Variants in RRAD observed in about 807,000 individuals in gnomAD.
The protein encoded by RRAD is GTP-binding protein RAD.
In RRAD, 15 loss-of-function variants were observed where a neutral mutation model predicts 24.7. The ratio of observed to expected loss-of-function variants is 0.61; its 90% confidence interval spans 0.41 to 0.93. The LOEUF is 0.93. Among genes scored for constraint, RRAD ranks in the 40% least tolerant of loss-of-function variants. RRAD has a pLI of 0.00. For missense variants in RRAD, 438 were observed against 452.2 expected (o/e 0.97, Z 0.29); for synonymous variants, 180 against 189.8 (o/e 0.95, Z 0.43).
At chr16:66,922,651 G>A (rs974384812) in intron 4 of RRAD, among the ~76,000 whole-genome samples, 1 of 152,156 alleles carries the variant, frequency 6.6e-6, no homozygotes, top group Admixed American at 6.5e-5. Flanking sequence ...ACAGGAAAAT[G>A]AGAACTATGT....
Position 66,925,057 on chromosome 16 carries a change from C to T in RRAD, c.123G>A (p.Pro41=), listed in dbSNP as rs952320733. The change falls in exon 2 of 5, where the codon CCG becomes CCA. Residue 41 remains proline (P), a synonymous_variant. Coordinates refer to ENST00000299759, the MANE Select transcript of RRAD (RefSeq NM_004165.3). The surrounding 1 kb of genome is among the most constrained non-coding windows in gnomAD (Gnocchi z 5.2). ...PAPPLHRRSM[P]VDERDLQAAL... is the part of the protein sequence containing the mutation. Reference sequence around the variant, plus strand: ...CCGCCTGCAGGTCGCGCTCGTCCACCGGCATGCTGCGGCGGTGCAGCGGCG... The same window carrying T: ...CCGCCTGCAGGTCGCGCTCGTCCACTGGCATGCTGCGGCGGTGCAGCGGCG... The T allele has an allele frequency of 1.5e-6, 2 of 1,300,564 alleles. No homozygotes were observed. Among genetic ancestry groups the T allele is most frequent in the Non-Finnish European group, 1.9e-6 (2 of 1,026,192 alleles). The allele number at this position is 1,300,564 out of a possible 1,614,324, so 80.6% of individuals were successfully genotyped here. A position where few individuals can be genotyped will look rare whatever the true frequency, so the allele number is the denominator to read the frequency against.
Position 66,924,721 on chromosome 16 carries a change from T to C in RRAD, c.370+89A>G. The C allele has an allele frequency of 2.1e-6, 2 of 931,508 alleles. No homozygotes were observed. Among genetic ancestry groups the C allele is most frequent in the Non-Finnish European group, 2.9e-6 (2 of 694,302 alleles). The allele number at this position is 931,508 out of a possible 1,614,324, so 57.7% of individuals were successfully genotyped here. The stretch of plus-strand genomic sequence containing the variant: ...TAATAACAACAACAACAACTATAAT[T>C]CCACGGTATTTGCGGCTTTGAGTAC... On this transcript the variant is annotated intron_variant, in intron 2 of 4. Transcript: ENST00000299759. This position sits in a 1 kb window ranked among gnomAD's most constrained non-coding sequence, Gnocchi z 4.2.
In RRAD at chr16:66,924,009, C is replaced by T; in HGVS notation, c.371-90G>A. On this transcript the variant is annotated intron_variant, in intron 2 of 4. Coordinates refer to ENST00000299759, the MANE Select transcript of RRAD (RefSeq NM_004165.3). This position sits in a 1 kb window ranked among gnomAD's most constrained non-coding sequence, Gnocchi z 4.2. ...GTTCTGGCCACACCCTCCAACTCTT[C>T]CCCAGAGCCCTCCTTACCCTCCACT... The T allele has an allele frequency of 1.0e-6, 1 of 987,550 alleles. No homozygotes were observed. The highest frequency in any genetic ancestry group is 1.6e-6 in the Non-Finnish European group (1 of 610,116). 61.2% of individuals were successfully genotyped at this position (987,550 alleles called of 1,614,324 possible).
Position 66,922,341 on chromosome 16 carries a change from C to CA in RRAD, c.661dup (p.Cys221LeufsTer6). On this transcript the variant is annotated frameshift_variant, in exon 5 of 5. Coordinates refer to ENST00000299759, the MANE Select transcript of RRAD (RefSeq NM_004165.3). LOFTEE classifies it high-confidence loss of function. ...GAACTTGCAGTCAAAGACCACCGCG[C>CA]AGGCCCGGCCCTCTGTGTGGGTGGG... The CA allele has an allele frequency of 6.3e-7, 1 of 1,592,668 alleles. No homozygotes were observed. Among genetic ancestry groups the CA allele is most frequent in the Non-Finnish European group, 8.6e-7 (1 of 1,166,802 alleles).
rs1596992703 is a variant in RRAD at position 66,921,844 on chromosome 16, A to G, written c.*232T>C. The G allele has an allele frequency of 2.1e-6, 1 of 479,046 alleles. No individual in the cohort carries two copies. The highest frequency in any genetic ancestry group is 3.7e-6 in the Non-Finnish European group (1 of 271,258). The allele number at this position is 479,046 out of a possible 1,614,324, so 29.7% of individuals were successfully genotyped here. On this transcript the variant is annotated 3_prime_UTR_variant, in exon 5 of 5. Coordinates refer to ENST00000299759, the MANE Select transcript of RRAD (RefSeq NM_004165.3). The stretch of plus-strand genomic sequence containing the variant: ...GGCGGCTGCGCTGCGGCTGCTTGGG[A>G]CGCATATGAGCCTGCGCATGCATCT...
Position 66,923,385 on chromosome 16 carries a change from C to T in RRAD, c.649+131G>A, listed in dbSNP as rs538290761. On this transcript the variant is annotated intron_variant, in intron 4 of 4. Coordinates refer to ENST00000299759, the MANE Select transcript of RRAD (RefSeq NM_004165.3). This position sits in a 1 kb window ranked among gnomAD's most constrained non-coding sequence, Gnocchi z 4.9. ...AGCAGGCACCAGCTCTCTCCCATTT[C>T]CCTCCCCGCCAGTTTTCTTTCTGAA... The T allele has an allele frequency of 2.7e-4, 211 of 772,996 alleles. No homozygotes were observed. The African/African-American group carries it at 3.3e-3, about 12-fold the overall frequency. The allele number at this position is 772,996 out of a possible 1,614,324, so 47.9% of individuals were successfully genotyped here.
Position 66,923,616 on chromosome 16 carries a change from C to T in RRAD, c.549G>A (p.Leu183=). Residue 183 remains leucine, a synonymous_variant, in exon 4 of 5, where the codon CTG becomes CTA. Coordinates refer to ENST00000299759, the MANE Select transcript of RRAD (RefSeq NM_004165.3). The surrounding 1 kb of genome is among the most constrained non-coding windows in gnomAD (Gnocchi z 4.9). ...GCCGTGCACGCCGCAGCTGGACCCG[C>T]AGTTCTGAGGCCTTCTCGAAGCTGC... The part of the protein sequence containing the change: ...DKGSFEKASE[L]RVQLRRARQT... 2 of 1,614,004 alleles carry T rather than the reference C, an allele frequency of 1.2e-6. No individual in the cohort carries two copies. The highest frequency in any genetic ancestry group is 1.7e-6 in the Non-Finnish European group (2 of 1,180,016).
Position 66,925,331 on chromosome 16 carries a change from G to A in RRAD, c.-16+78C>T. 1 of 792,294 alleles carries A rather than the reference G, an allele frequency of 1.3e-6. No homozygotes were observed. The highest frequency in any genetic ancestry group is 1.7e-6 in the Non-Finnish European group (1 of 595,952). 49.1% of individuals were successfully genotyped at this position (792,294 alleles called of 1,614,324 possible). A position where few individuals can be genotyped will look rare whatever the true frequency, so the allele number is the denominator to read the frequency against. On this transcript the variant is annotated intron_variant, in intron 1 of 4. Coordinates refer to ENST00000299759, the MANE Select transcript of RRAD (RefSeq NM_004165.3). This position sits in a 1 kb window ranked among gnomAD's most constrained non-coding sequence, Gnocchi z 5.2. ...GCCCTCCCCCAGCCCCCAGGTCGCGGCGCCCTCACCCGGGACCCCTCCGGA... is the reference window on the plus strand; with the variant it reads ...GCCCTCCCCCAGCCCCCAGGTCGCGACGCCCTCACCCGGGACCCCTCCGGA...
chr16:66,924,705 C>A lies in RRAD; in HGVS notation c.370+105G>T. 1 of 755,074 alleles carries A rather than the reference C, an allele frequency of 1.3e-6. No homozygotes were observed. The highest frequency in any genetic ancestry group is 1.8e-6 in the Non-Finnish European group (1 of 557,388). The allele number at this position is 755,074 out of a possible 1,614,324, so 46.8% of individuals were successfully genotyped here. ...ATAATAATAATAATAATAATAACAA[C>A]AACAACAACTATAATTCCACGGTAT... On this transcript the variant is annotated intron_variant, in intron 2 of 4. Coordinates refer to ENST00000299759, the MANE Select transcript of RRAD (RefSeq NM_004165.3). The surrounding 1 kb of genome is among the most constrained non-coding windows in gnomAD (Gnocchi z 4.2).
In RRAD at chr16:66,921,806, C is replaced by G. The variant is rs1443114461; in HGVS notation, c.*270G>C. 2.4e-6 allele frequency: 1 copy of G among 416,036 alleles called. No homozygotes were observed. The highest frequency in any genetic ancestry group is 3.7e-5 in the East Asian group (1 of 26,742). 25.8% of individuals were successfully genotyped at this position (416,036 alleles called of 1,614,324 possible). A position where few individuals can be genotyped will look rare whatever the true frequency, so the allele number is the denominator to read the frequency against. ...AAAAAGGCAGAGTCCTCTCCCGGCA[C>G]GCAGGCCTGCCCGGCGGCTGCGCTG... On this transcript the variant is annotated 3_prime_UTR_variant, in exon 5 of 5. Transcript: ENST00000299759.
In RRAD at chr16:66,923,483, T is replaced by C; in HGVS notation, c.649+33A>G. The C allele has an allele frequency of 6.4e-7, 1 of 1,564,486 alleles. No homozygotes were observed. Among genetic ancestry groups the C allele is most frequent in the Non-Finnish European group, 8.7e-7 (1 of 1,151,348 alleles). ...TGCCTGGATCAGGGCCCAGCTGGGC[T>C]CTCCCTCCCCCTGCAACCTGCCGCC... is the stretch of plus-strand genomic sequence containing the variant. On this transcript the variant is annotated intron_variant, in intron 4 of 4. Coordinates refer to ENST00000299759, the MANE Select transcript of RRAD (RefSeq NM_004165.3). This position sits in a 1 kb window ranked among gnomAD's most constrained non-coding sequence, Gnocchi z 4.9.
At position 66,922,187 on chromosome 16, in the gene RRAD, C is replaced by CA; in HGVS notation, c.815_816insT (p.Glu272AspfsTer18). 6.2e-7 allele frequency: 1 copy of CA among 1,614,222 alleles called. No homozygotes were observed. Among genetic ancestry groups the CA allele is most frequent in the Non-Finnish European group, 8.5e-7 (1 of 1,180,026 alleles). On this transcript the variant is annotated frameshift_variant, in exon 5 of 5. Coordinates refer to ENST00000299759, the MANE Select transcript of RRAD (RefSeq NM_004165.3). LOFTEE classifies it high-confidence loss of function. ...AGCGCTTCGCCTTTTTGCCAAGGCT[C>CA]TCTCGCCTCCGGGTGCCTGCTTGCC... is the stretch of plus-strand genomic sequence containing the variant.
rs1962945922 is a variant in RRAD, at chr16:66,923,477, C to T, written c.649+39G>A. 8 of 1,543,874 alleles carry T rather than the reference C, an allele frequency of 5.2e-6. No homozygotes were observed. Among genetic ancestry groups the T allele is most frequent in the Non-Finnish European group, 7.1e-6 (8 of 1,134,576 alleles). On this transcript the variant is annotated intron_variant, in intron 4 of 4. Transcript: ENST00000299759. The surrounding 1 kb of genome is among the most constrained non-coding windows in gnomAD (Gnocchi z 4.9). Reference sequence around the variant, plus strand: ...CAAGACTGCCTGGATCAGGGCCCAGCTGGGCTCTCCCTCCCCCTGCAACCT... The same window carrying T: ...CAAGACTGCCTGGATCAGGGCCCAGTTGGGCTCTCCCTCCCCCTGCAACCT...
rs202026368 is a variant in RRAD, at chr16:66,924,693, TAATAATAAC to T, written c.370+108_370+116del. The T allele has an allele frequency of 0.031, 22,677 of 724,732 alleles. 771 individuals carry two copies. The highest frequency in any genetic ancestry group is 0.15 in the African/African-American group (8,095 of 52,956). The allele number at this position is 724,732 out of a possible 1,614,324, so 44.9% of individuals were successfully genotyped here. A position where few individuals can be genotyped will look rare whatever the true frequency, so the allele number is the denominator to read the frequency against. On this transcript the variant is annotated intron_variant, in intron 2 of 4. Transcript: ENST00000299759. The surrounding 1 kb of genome is among the most constrained non-coding windows in gnomAD (Gnocchi z 4.2). ...AATAATAATAAAATAATAATAATAA[TAATAATAAC>T]AACAACAACAACTATAATTCCACGG...
In RRAD at chr16:66,922,118, A is replaced by G. The variant is rs1420923557; in HGVS notation, c.885T>C (p.Phe295=). ...CGTGGCAGGACTTGGATTTGGCGCG[A>G]AAGGCCATCTTGCGGCTGTTACGAG... ...IVARNSRKMA[F]RAKSKSCHDL... is the part of the protein sequence containing the mutation. The change falls in exon 5 of 5, where the codon TTT becomes TTC. Residue 295 remains phenylalanine (F), a synonymous_variant. Coordinates refer to ENST00000299759, the MANE Select transcript of RRAD (RefSeq NM_004165.3). 3.7e-6 allele frequency: 6 copies of G among 1,612,040 alleles called. No homozygotes were observed. Among genetic ancestry groups the G allele is most frequent in the Non-Finnish European group, 5.1e-6 (6 of 1,178,166 alleles).
rs528020664 is a variant in RRAD, at chr16:66,922,050, C to T, written c.*26G>A. On this transcript the variant is annotated 3_prime_UTR_variant, in exon 5 of 5. Coordinates refer to ENST00000299759, the MANE Select transcript of RRAD (RefSeq NM_004165.3). Reference sequence around the variant, plus strand: ...AGCCCACCAACCCTTCCGTTCGTCTCCCACCATAGTGGGAGCGGGTGGGAC... The same window carrying T: ...AGCCCACCAACCCTTCCGTTCGTCTTCCACCATAGTGGGAGCGGGTGGGAC... 4 of 1,586,958 alleles carry T rather than the reference C, an allele frequency of 2.5e-6. No homozygotes were observed. The East Asian group carries it at 6.8e-5, about 27-fold the overall frequency.
In RRAD at chr16:66,925,089, G is replaced by A. The variant is rs1962977981; in HGVS notation, c.91C>T (p.Pro31Ser). The change falls in exon 2 of 5, where the codon CCC becomes TCC. Residue 31 changes from proline (P) to serine (S), a missense_variant. Pro to Ser is a moderately conservative substitution (Grantham distance 74, BLOSUM62 -1). Transcript: ENST00000299759. This position sits in a 1 kb window ranked among gnomAD's most constrained non-coding sequence, Gnocchi z 5.2. ...CTGCGGCGGTGCAGCGGCGGGGCGG[G>A]GCCCCAGGGTGTGCTGCCCCGACGG... ...ERRRGSTPWG[P>S]APPLHRRSMP... 3.2e-6 allele frequency: 4 copies of A among 1,241,728 alleles called. No individual in the cohort carries two copies. In the African/African-American group the frequency reaches 4.7e-5, roughly 15 times the overall value. The allele number at this position is 1,241,728 out of a possible 1,614,324, so 76.9% of individuals were successfully genotyped here.
Position 66,923,679 on chromosome 16 carries a change from C to T in RRAD, c.486G>A (p.Gly162=). 1 of 1,614,152 alleles carries T rather than the reference C, an allele frequency of 6.2e-7. No homozygotes were observed. The highest frequency in any genetic ancestry group is 8.5e-7 in the Non-Finnish European group (1 of 1,180,030). ...RWLPGHCMAM[G]DAYVIVYSVT... ...CTGAGTACACAATGACATAGGCATCCCCCATGGCCATGCAGTGGCCGGGCA... is the reference window on the plus strand; with the variant it reads ...CTGAGTACACAATGACATAGGCATCTCCCATGGCCATGCAGTGGCCGGGCA... Residue 162 remains glycine, a synonymous_variant, in exon 4 of 5, where the codon GGG becomes GGA. Coordinates refer to ENST00000299759, the MANE Select transcript of RRAD (RefSeq NM_004165.3). This position sits in a 1 kb window ranked among gnomAD's most constrained non-coding sequence, Gnocchi z 4.9.
In RRAD at chr16:66,922,155, C is replaced by A; in HGVS notation, c.848G>T (p.Gly283Val). The A allele has an allele frequency of 6.2e-7, 1 of 1,614,150 alleles. No homozygotes were observed. Among genetic ancestry groups the A allele is most frequent in the Non-Finnish European group, 8.5e-7 (1 of 1,179,946 alleles). The change falls in exon 5 of 5, where the codon GGC becomes GTC. Residue 283 changes from glycine (G) to valine (V), a missense_variant. Gly to Val is a moderately radical substitution (Grantham distance 109). Transcript: ENST00000299759. ...GCGGCTGTTACGAGCTACGATGCGG[C>A]CCAAGAAGCGCTTCGCCTTTTTGCC... ...SLGKKAKRFLGRIVARNSRKM... is the reference protein window; with the variant it reads ...SLGKKAKRFLVRIVARNSRKM...
Sources: allele counts gnomAD v4.1 joint callset (sites outside exome capture counted in the v4.1 genomes callset), GRCh38; gene constraint gnomAD v4.1.1; non-coding constraint Gnocchi (gnomAD v3.1); transcripts MANE v1.5; gene names NCBI Gene and HGNC (gene_info 2026-07-23, HGNC 2026-07-21).